The following CDH9 variants were observed in gnomAD, a reference collection of about 807,000 sequenced individuals.
The protein encoded by CDH9 is cadherin-9.
Under a neutral mutation model 70.9 loss-of-function variants are expected in CDH9, and 28 were observed. The ratio of observed to expected loss-of-function variants is 0.40; its 90% CI spans 0.29 to 0.54. The LOEUF (loss-of-function observed/expected upper bound fraction) is 0.54. CDH9 is among the 20% of genes least tolerant of loss of function. CDH9 has a pLI of 0.59. For missense variants in CDH9, 874 were observed against 984.4 expected, an observed-to-expected ratio of 0.89 and a Z score of 1.50; for synonymous variants, 409 against 343.1, an observed-to-expected ratio of 1.19 and a Z score of -2.12.
At chr5:26,937,563 C>T (rs904585404) in intron 2 of CDH9, among the ~76,000 whole-genome samples, 1 of 151,994 alleles carries the variant, frequency 6.6e-6, no homozygotes, top group Non-Finnish European at 1.5e-5. Flanking sequence ...TTATGCATAA[C>T]TGGAATCAAA....
chr5:26,914,817 G>T lies in CDH9; in HGVS notation c.523+813C>A, dbSNP rs564461700. ...TATTCAACTAAATTGTATCAAATTTGGGAAATTGGCTGCAGATCTTGTAAA... is the reference window on the plus strand; with the variant it reads ...TATTCAACTAAATTGTATCAAATTTTGGAAATTGGCTGCAGATCTTGTAAA... On this transcript the variant is annotated intron_variant, in intron 3 of 11. Transcript: ENST00000231021. 2.0e-5 allele frequency among the ~76,000 whole-genome samples: 3 copies of T among 152,106 alleles called. No individual in the cohort carries two copies. The South Asian group carries it at 6.2e-4, about 32-fold the overall frequency.
At chr5:26,995,842 A>G (rs1742655755) in intron 1 of CDH9, among the ~76,000 whole-genome samples, 1 of 152,138 alleles carries the variant, frequency 6.6e-6, no homozygotes, top group Non-Finnish European at 1.5e-5. Context: ...ACTATAAAGT[A>G]CAATGTTTTA....
Position 26,885,744 on chromosome 5 carries a change from G to A in CDH9, c.1752C>T (p.Leu584=). 1 of 1,613,784 alleles carries A rather than the reference G, an allele frequency of 6.2e-7. No homozygotes were observed. Residue 584 remains leucine (L), a synonymous_variant, in exon 11 of 12, where the codon CTC becomes CTT. Transcript: ENST00000231021. ...DYPIQSSTGT[L]TIRVCACDNQ... is the part of the protein sequence containing the mutation. ...TATCGCAGGCACACACACGGATAGT[G>A]AGTGTACCAGTGCTGCTTTGAATTG... is the stretch of plus-strand genomic sequence containing the variant.
At chr5:26,934,563 G>T (rs553216791) in intron 2 of CDH9, among the ~76,000 whole-genome samples, 2 of 152,124 alleles carry the variant, frequency 1.3e-5, no homozygotes, top group African/African-American at 4.8e-5. Context: ...CTCCCACCAG[G>T]CCCCACCTCC....
chr5:26,915,960 T>C (rs1333246230), intron 2 of CDH9, 36 bp from the exon 3 acceptor site: 1 of 1,398,662 alleles, frequency 7.1e-7, no homozygotes, highest in Non-Finnish European at 9.9e-7. Flanking sequence ...TCTGTAAATA[T>C]ATACATTATC....
chr5:27,024,043 C>G (rs1318333755), intron 1 of CDH9, among the ~76,000 whole-genome samples: 1 of 151,746 alleles, frequency 6.6e-6, no homozygotes, highest in South Asian at 2.1e-4. Context: ...CAAAGCTAGA[C>G]TCTGTCTCAA....
chr5:26,995,529 C>A (rs114952621), intron 1 of CDH9, among the ~76,000 whole-genome samples: 2,520 of 152,086 alleles, frequency 0.017, 78 homozygotes, highest in African/African-American at 0.057. Context: ...TTATTTTTCT[C>A]ATAATTCTTT....
chr5:26,889,315 T>C (rs2111971719), intron 9 of CDH9, among the ~76,000 whole-genome samples: 1 of 152,236 alleles, frequency 6.6e-6, no homozygotes, highest in African/African-American at 2.4e-5. Flanking sequence ...GAAGACTTCA[T>C]AATTCTTTTA....
chr5:27,023,705 T>C (rs964066773), intron 1 of CDH9, among the ~76,000 whole-genome samples: 2 of 152,096 alleles, frequency 1.3e-5, no homozygotes, highest in African/African-American at 4.8e-5. Flanking sequence ...TTTCTTAAAG[T>C]TCTTATATCC....
intron 2 of CDH9, among the ~76,000 whole-genome samples, chr5:26,950,972 A>AT (rs901815846): frequency 2.0e-5 from 3 of 152,062 alleles, no homozygotes; most frequent in Non-Finnish European, 4.4e-5. Flanking sequence ...TATCTTGTGC[A>AT]TTTTTTTGCA....
chr5:27,023,721 A>G (rs1454250854), intron 1 of CDH9, among the ~76,000 whole-genome samples: 1 of 152,042 alleles, frequency 6.6e-6, no homozygotes, highest in Non-Finnish European at 1.5e-5. Context: ...TATCCAACAG[A>G]GATAAAATCT....
intron 3 of CDH9, among the ~76,000 whole-genome samples, chr5:26,914,195 C>T (rs1011829104): frequency 2.1e-4 from 32 of 151,930 alleles, no homozygotes; most frequent in African/African-American, 7.7e-4. Context: ...AAGGTTTCAA[C>T]ATATCTGGTA....
intron 1 of CDH9, among the ~76,000 whole-genome samples, chr5:27,001,844 ACTCTCTCTCTCTCTCTCT>A (rs141271541): frequency 1.4e-5 from 2 of 142,002 alleles, no homozygotes. Context: ...ACACACACAC[ACTCTCTCTCTCTCTCTCT>A]CTCTCTCTCT....
At chr5:26,909,530 T>C (rs535408010) in intron 3 of CDH9, among the ~76,000 whole-genome samples, 187 of 149,552 alleles carry the variant, frequency 1.3e-3, no homozygotes, top group Non-Finnish European at 2.5e-3. Flanking sequence ...TGAGACCATT[T>C]TTTTTCTTTT....
chr5:26,942,208 T>C (rs1408670131), intron 2 of CDH9, among the ~76,000 whole-genome samples: 1 of 152,088 alleles, frequency 6.6e-6, no homozygotes, highest in Non-Finnish European at 1.5e-5. Flanking sequence ...AAAAGGCTCT[T>C]ATAAAACCAT....
At chr5:26,908,329 G>T (rs1478741243) in intron 3 of CDH9, among the ~76,000 whole-genome samples, 2 of 1,312 alleles carry the variant, frequency 1.5e-3, no homozygotes, top group Non-Finnish European at 3.8e-3. Context: ...ATGTGCAGAA[G>T]TTCAACAAGT....
intron 2 of CDH9, among the ~76,000 whole-genome samples, chr5:26,959,441 G>A (rs908086067): frequency 1.3e-5 from 2 of 151,990 alleles, no homozygotes; most frequent in Non-Finnish European, 2.9e-5. Flanking sequence ...GTGAAAAACA[G>A]GTTGATGGTA....
chr5:26,924,402 A>G lies in CDH9; in HGVS notation c.229-8478T>C, dbSNP rs1214649196. Among the ~76,000 whole-genome samples, 18 of 151,778 alleles carry G rather than the reference A, an allele frequency of 1.2e-4. 1 individual carries two copies. The highest frequency in any genetic ancestry group is 1.2e-3 in the Admixed American group (18 of 15,218). ...TAATGAATGAGACTGCAGTTGTGCT[A>G]AAAAAGTGTTCCAACAAAGAAAAGC... On this transcript the variant is annotated intron_variant, in intron 2 of 11. Coordinates refer to ENST00000231021, the MANE Select transcript of CDH9 (RefSeq NM_016279.4).
Position 26,931,310 on chromosome 5 carries a change from G to A in CDH9, c.229-15386C>T, listed in dbSNP as rs115323563. Among the ~76,000 whole-genome samples, 607 of 152,178 alleles carry A rather than the reference G, an allele frequency of 4.0e-3. 7 individuals carry two copies. Among genetic ancestry groups the A allele is most frequent in the African/African-American group, 0.014 (582 of 41,526 alleles). On this transcript the variant is annotated intron_variant, in intron 2 of 11. Coordinates refer to ENST00000231021, the MANE Select transcript of CDH9 (RefSeq NM_016279.4). ...ACCAGTTGTCTGGGCAGAGTACAAA[G>A]GGAAAAGAGCCACAGAGAAGAGCCC...
Sources: allele counts gnomAD v4.1 joint callset (sites outside exome capture counted in the v4.1 genomes callset), GRCh38; gene constraint gnomAD v4.1.1; transcripts MANE v1.5; gene names NCBI Gene and HGNC (gene_info 2026-07-23, HGNC 2026-07-21).